Variants in TENM4 observed in about 807,000 individuals in gnomAD.
TENM4 encodes the protein teneurin transmembrane protein 4, also known as teneurin-4.
A neutral mutation model predicts 243.3 loss-of-function variants in TENM4; 82 were observed. That is an observed-to-expected ratio of 0.34 (90% CI 0.28 to 0.40). TENM4 has a LOEUF of 0.40. Ranked by LOEUF, TENM4 falls within the 10% of genes least tolerant of loss-of-function variation. The pLI is 1.00. For synonymous variants in TENM4, 1,412 were observed against 1,456.3 expected, an observed-to-expected ratio of 0.97 and a Z score of 0.69; for missense variants, 3,138 against 3,673.3, an observed-to-expected ratio of 0.85 and a Z score of 3.77.
intron 32 of TENM4, 99 bp from the exon 33 acceptor site, chr11:78,661,690 G>T: frequency 6.8e-7 from 1 of 1,472,094 alleles, no homozygotes; most frequent in Non-Finnish European, 9.2e-7. Context: ...AGGGTGTGGT[G>T]AGGGTGTGGA....
At chr11:79,275,032 T>C (rs1362051311) in intron 2 of TENM4, among the ~76,000 whole-genome samples, 1 of 152,170 alleles carries the variant, frequency 6.6e-6, no homozygotes, top group African/African-American at 2.4e-5. Flanking sequence ...TTTTATACAC[T>C]TTGGATCCCT....
intron 6 of TENM4, among the ~76,000 whole-genome samples, chr11:79,012,386 T>G (rs1307992693): frequency 1.3e-5 from 2 of 152,104 alleles, no homozygotes; most frequent in South Asian, 2.1e-4. Flanking sequence ...TGGAAAAGCT[T>G]GAAAGATGGG....
intron 6 of TENM4, among the ~76,000 whole-genome samples, chr11:78,959,871 T>G (rs1179107033): frequency 6.6e-6 from 1 of 152,186 alleles, no homozygotes; most frequent in Non-Finnish European, 1.5e-5. Context: ...GACTTTAATC[T>G]CTTGCCTTCT....
chr11:79,261,581 G>A (rs1368031089), intron 2 of TENM4, among the ~76,000 whole-genome samples: 2 of 152,138 alleles, frequency 1.3e-5, no homozygotes, highest in Non-Finnish European at 2.9e-5. Context: ...AGGAACCCCT[G>A]GGGACAGCTC....
rs567607075 is a variant in TENM4, at chr11:79,130,258, C to T, written c.-66+18452G>A. 2.9e-3 allele frequency among the ~76,000 whole-genome samples: 447 copies of T among 152,286 alleles called. 3 individuals are homozygous for T. The highest frequency in any genetic ancestry group is 0.01 in the African/African-American group (420 of 41,558). On this transcript the variant is annotated intron_variant, in intron 4 of 33. Transcript: ENST00000278550. ...ACAACAGCCTCCAGCCCAAGATCTT[C>T]CCTCTGACAGAGGCTACCCAAATGA...
intron 6 of TENM4, among the ~76,000 whole-genome samples, chr11:79,037,026 A>G (rs1859403817): frequency 1.1e-5 from 1 of 90,834 alleles, no homozygotes; most frequent in Non-Finnish European, 2.1e-5. Flanking sequence ...AAAAAAAAAA[A>G]AAAAAAAAAA....
At chr11:79,337,850 G>A (rs543402990) in intron 1 of TENM4, among the ~76,000 whole-genome samples, 133 of 152,316 alleles carry the variant, frequency 8.7e-4, no homozygotes, top group South Asian at 4.8e-3. Flanking sequence ...GGGCAAAGTG[G>A]GTATCGCTAT....
intron 1 of TENM4, among the ~76,000 whole-genome samples, chr11:79,359,243 G>A (rs1441389225): frequency 3.3e-5 from 5 of 152,158 alleles, no homozygotes; most frequent in Admixed American, 6.6e-5. Flanking sequence ...TCCAGCCTGG[G>A]TGATAGACTA....
chr11:79,166,027 C>T (rs1489645488), intron 3 of TENM4, among the ~76,000 whole-genome samples: 2 of 152,126 alleles, frequency 1.3e-5, no homozygotes, highest in African/African-American at 2.4e-5. Flanking sequence ...TTCTCTGACA[C>T]CACATTATAC....
intron 7 of TENM4, among the ~76,000 whole-genome samples, chr11:78,901,354 A>G (rs1341927091): frequency 6.6e-6 from 1 of 152,112 alleles, no homozygotes; most frequent in African/African-American, 2.4e-5. Flanking sequence ...TTATTTGAGT[A>G]ATAAAGTATA....
chr11:79,319,672 G>A (rs922615291), intron 1 of TENM4, among the ~76,000 whole-genome samples: 2 of 151,938 alleles, frequency 1.3e-5, no homozygotes, highest in Non-Finnish European at 1.5e-5. Flanking sequence ...TTATCCAGAC[G>A]ATAGCAAAGG....
Position 79,139,895 on chromosome 11 carries a change from A to G in TENM4, c.-66+8815T>C, listed in dbSNP as rs149642004. On this transcript the variant is annotated intron_variant, in intron 4 of 33. Coordinates refer to ENST00000278550, the MANE Select transcript of TENM4 (RefSeq NM_001098816.3). ...CTGTCCCTCTAGAGAACGCTGAGTA[A>G]TACAGATGGCATAAGTGAGTGCTAT... 3.3e-3 allele frequency among the ~76,000 whole-genome samples: 485 copies of G among 147,260 alleles called. 4 individuals are homozygous for G. Among genetic ancestry groups the G allele is most frequent in the African/African-American group, 0.012 (459 of 39,540 alleles).
intron 2 of TENM4, among the ~76,000 whole-genome samples, chr11:79,238,353 C>T (rs551432433): frequency 1.3e-5 from 2 of 152,062 alleles, no homozygotes; most frequent in African/African-American, 2.4e-5. Flanking sequence ...AGATTGGAGA[C>T]CCCCCTCAAC....
In TENM4 at chr11:78,964,138, G is replaced by A. The variant is rs149837576; in HGVS notation, c.494-60615C>T. Among the ~76,000 whole-genome samples, 1,109 of 150,454 alleles carry A rather than the reference G, an allele frequency of 7.4e-3. 13 individuals carry two copies. The highest frequency in any genetic ancestry group is 0.025 in the African/African-American group (1,010 of 40,646). The stretch of plus-strand genomic sequence containing the variant: ...GCTCACTGCGTCGTCTGCCTTCCAG[G>A]TTCAAGCAATTCTCCTGCCTCAGCC... On this transcript the variant is annotated intron_variant, in intron 6 of 33. Coordinates refer to ENST00000278550, the MANE Select transcript of TENM4 (RefSeq NM_001098816.3).
chr11:79,080,385 C>T (rs990589996), intron 4 of TENM4, among the ~76,000 whole-genome samples: 1 of 152,238 alleles, frequency 6.6e-6, no homozygotes, highest in African/African-American at 2.4e-5. Flanking sequence ...CTGACACAGA[C>T]ACCCGGGGTA....
chr11:79,088,716 C>T (rs1048319103), intron 4 of TENM4, among the ~76,000 whole-genome samples: 3 of 152,156 alleles, frequency 2.0e-5, no homozygotes, highest in African/African-American at 4.8e-5. Flanking sequence ...TTCTCCGGCC[C>T]ATTCACACTA....
intron 4 of TENM4, among the ~76,000 whole-genome samples, chr11:79,095,246 A>T (rs1048746657): frequency 6.6e-6 from 1 of 152,088 alleles, no homozygotes; most frequent in African/African-American, 2.4e-5. Flanking sequence ...TTTTCATATG[A>T]GGAAATGGAA....
At chr11:79,358,613 CCCTTCCTGCCTGCCTG>C (rs1432603195) in intron 1 of TENM4, among the ~76,000 whole-genome samples, 1 of 151,882 alleles carries the variant, frequency 6.6e-6, no homozygotes, top group African/African-American at 2.4e-5. Context: ...TTCCCTTCCT[CCCTTCCTGCCTGCCTG>C]CCTTCCTTCC....
chr11:78,943,018 C>T (rs890277509), intron 6 of TENM4, among the ~76,000 whole-genome samples: 1 of 152,198 alleles, frequency 6.6e-6, no homozygotes, highest in Admixed American at 6.5e-5. Flanking sequence ...CCTCAAGAGT[C>T]GGTGCATGGT....
Sources: allele counts gnomAD v4.1 joint callset (sites outside exome capture counted in the v4.1 genomes callset), GRCh38; gene constraint gnomAD v4.1.1; transcripts MANE v1.5; gene names NCBI Gene and HGNC (gene_info 2026-07-23, HGNC 2026-07-21).